The following MAP2K4 variants were observed in gnomAD, a reference collection of about 807,000 sequenced individuals.
MAP2K4 encodes the protein dual specificity mitogen-activated protein kinase kinase 4.
A neutral mutation model predicts 48.5 loss-of-function variants in MAP2K4; 4 were observed. That is an observed-to-expected ratio of 0.08 (90% CI 0.04 to 0.19). MAP2K4 has a LOEUF of 0.19. Ranked by LOEUF, MAP2K4 falls within the 10% of genes least tolerant of loss-of-function variation. The pLI is 1.00. For synonymous variants in MAP2K4, 166 were observed against 173.1 expected (o/e 0.96, Z 0.32); for missense variants, 258 against 493.3 (o/e 0.52, Z 4.52).
intron 9 of MAP2K4, among the ~76,000 whole-genome samples, chr17:12,130,770 C>T (rs1229410318): frequency 6.6e-6 from 1 of 152,158 alleles, no homozygotes; most frequent in African/African-American, 2.4e-5. Flanking sequence ...ATTCTTTCTG[C>T]CACTCTTTGT....
intron 3 of MAP2K4, among the ~76,000 whole-genome samples, chr17:12,082,375 G>A (rs1299908896): frequency 2.0e-5 from 3 of 152,194 alleles, no homozygotes; most frequent in African/African-American, 7.2e-5. Flanking sequence ...AAAGCTAGCT[G>A]TGGCCATACC....
intron 2 of MAP2K4, among the ~76,000 whole-genome samples, chr17:12,080,877 A>G (rs926352271): frequency 2.0e-5 from 3 of 152,184 alleles, no homozygotes; most frequent in African/African-American, 7.2e-5. Flanking sequence ...GGTGATTGTA[A>G]GGTACAGCAA....
chr17:12,027,088 T>C (rs753170486), intron 1 of MAP2K4: 1 of 152,218 alleles, frequency 6.6e-6, no homozygotes, highest in Non-Finnish European at 1.5e-5. Context: ...TGCTAGTGGA[T>C]GTGGGTTAGC....
At chr17:12,070,118 A>G (rs2151538838) in intron 2 of MAP2K4, among the ~76,000 whole-genome samples, 1 of 151,436 alleles carries the variant, frequency 6.6e-6, no homozygotes, top group African/African-American at 2.4e-5. Flanking sequence ...GAAGAATGTG[A>G]TAGTGAAATA....
At position 12,069,895 on chromosome 17, in the gene MAP2K4, A is replaced by G. The variant is rs759955776; in HGVS notation, c.219-11461A>G. On this transcript the variant is annotated intron_variant, in intron 2 of 10. Coordinates refer to ENST00000353533, the MANE Select transcript of MAP2K4 (RefSeq NM_003010.4). Reference sequence around the variant, plus strand: ...CCTGTCTAAGGAAGATTAGTCATATATATATATATATATATATATATATAT... The same window carrying G: ...CCTGTCTAAGGAAGATTAGTCATATGTATATATATATATATATATATATAT... 9.7e-3 allele frequency: 27 copies of G among 2,796 alleles called. No individual in the cohort carries two copies. The South Asian group carries it at 0.16, about 16-fold the overall frequency. The allele number at this position is 2,796 out of a possible 1,614,324, so 0.2% of individuals were successfully genotyped here. A position where few individuals can be genotyped will look rare whatever the true frequency, so the allele number is the denominator to read the frequency against.
chr17:12,098,471 C>G (rs1971830806), intron 4 of MAP2K4, among the ~76,000 whole-genome samples: 1 of 145,142 alleles, frequency 6.9e-6, no homozygotes, highest in South Asian at 2.3e-4. Context: ...GAGCGAGACT[C>G]CATCTCAAAA....
chr17:12,135,230 GGCATGC>G (rs1555553311), intron 9 of MAP2K4, among the ~76,000 whole-genome samples: 1 of 151,844 alleles, frequency 6.6e-6, no homozygotes, highest in Non-Finnish European at 1.5e-5. Context: ...CTGGATTACA[GGCATGC>G]ACCACCACAC....
Position 12,142,381 on chromosome 17 carries a change from G to C in MAP2K4, c.*1121G>C, listed in dbSNP as rs1377538282. ...TCCGAATCTCTTTCCCTTCCCCTGTGGTCTATTGTCGCTATGTGACTTGCG... is the reference window on the plus strand; with the variant it reads ...TCCGAATCTCTTTCCCTTCCCCTGTCGTCTATTGTCGCTATGTGACTTGCG... On this transcript the variant is annotated 3_prime_UTR_variant, in exon 11 of 11. Transcript: ENST00000353533. The C allele has an allele frequency of 4.3e-6, 1 of 232,960 alleles. No homozygotes were observed. Among genetic ancestry groups the C allele is most frequent in the Non-Finnish European group, 8.5e-6 (1 of 117,908 alleles). The allele number at this position is 232,960 out of a possible 1,614,324, so 14.4% of individuals were successfully genotyped here.
intron 1 of MAP2K4, among the ~76,000 whole-genome samples, chr17:12,023,345 A>G (rs1969152441): frequency 6.6e-6 from 1 of 152,202 alleles, no homozygotes; most frequent in Non-Finnish European, 1.5e-5. Context: ...GAACCCAAAA[A>G]GAAAGATTCC....
chr17:12,140,019 G>C, intron 10 of MAP2K4, 135 bp downstream of exon 10: 1 of 551,160 alleles, frequency 1.8e-6, no homozygotes. Flanking sequence ...TTTTGTTAAT[G>C]TTTTTACACA....
At chr17:12,060,036 CGTGTGATGGTGTGCGCCT>C (rs1970399368) in intron 2 of MAP2K4, among the ~76,000 whole-genome samples, 2 of 151,974 alleles carry the variant, frequency 1.3e-5, no homozygotes, top group South Asian at 4.2e-4. Flanking sequence ...AAATTAGCCA[CGTGTGATGGTGTGCGCCT>C]GTGGTCCCAG....
chr17:12,140,235 A>AAT (rs1234984465), intron 10 of MAP2K4, among the ~76,000 whole-genome samples: 1 of 152,138 alleles, frequency 6.6e-6, no homozygotes, highest in Non-Finnish European at 1.5e-5. Context: ...TTCTGCCTTT[A>AAT]TAAAATTCAT....
At chr17:12,084,044 A>G (rs1443615007) in intron 3 of MAP2K4, among the ~76,000 whole-genome samples, 3 of 152,242 alleles carry the variant, frequency 2.0e-5, no homozygotes, top group African/African-American at 7.2e-5. Flanking sequence ...TACTTGCAAT[A>G]TCTGTAGAAA....
rs963339144 is a variant in MAP2K4 at position 12,140,723 on chromosome 17, A to G, written c.1087-424A>G. On this transcript the variant is annotated intron_variant, in intron 10 of 10. Coordinates refer to ENST00000353533, the MANE Select transcript of MAP2K4 (RefSeq NM_003010.4). Reference sequence around the variant, plus strand: ...TTGTAAAAAGGTCCTCCTGTTGTATATAGGAGAAATGGAGGTTGAGATTTA... The same window carrying G: ...TTGTAAAAAGGTCCTCCTGTTGTATGTAGGAGAAATGGAGGTTGAGATTTA... 3.3e-5 allele frequency among the ~76,000 whole-genome samples: 5 copies of G among 152,180 alleles called. No individual in the cohort carries two copies. The East Asian group carries it at 5.8e-4, about 18-fold the overall frequency.
chr17:12,073,699 A>C (rs1970894324), intron 2 of MAP2K4, among the ~76,000 whole-genome samples: 1 of 152,110 alleles, frequency 6.6e-6, no homozygotes. Context: ...ATATGTGTAC[A>C]TCTGTGATGC....
intron 4 of MAP2K4, among the ~76,000 whole-genome samples, chr17:12,103,902 T>C (rs1053074167): frequency 6.6e-6 from 1 of 152,196 alleles, no homozygotes. Flanking sequence ...ACCTTTTTAT[T>C]TTATTTTTTT....
chr17:12,059,899 C>T (rs556705673), intron 2 of MAP2K4, among the ~76,000 whole-genome samples: 7 of 152,102 alleles, frequency 4.6e-5, no homozygotes, highest in East Asian at 3.9e-4. Context: ...ATGACGAGGC[C>T]GGGCACAGTT....
At chr17:12,045,767 T>C (rs1000235819) in intron 1 of MAP2K4, among the ~76,000 whole-genome samples, 4 of 152,216 alleles carry the variant, frequency 2.6e-5, no homozygotes, top group Non-Finnish European at 4.4e-5. Flanking sequence ...AAGAGACCAC[T>C]GTTGACTGTT....
At chr17:12,102,918 G>T (rs889695483) in intron 4 of MAP2K4, among the ~76,000 whole-genome samples, 1 of 150,982 alleles carries the variant, frequency 6.6e-6, no homozygotes, top group African/African-American at 2.4e-5. Context: ...TCTGATACTG[G>T]TAATTTATGT....
Sources: gnomAD v4.1 joint callset for allele counts (sites outside exome capture counted in the v4.1 genomes callset) on GRCh38, gnomAD v4.1.1 for gene constraint, MANE v1.5 for transcripts, NCBI Gene and HGNC (gene_info 2026-07-23, HGNC 2026-07-21) for gene names.